Variants in TNFRSF8 observed in about 807,000 individuals in gnomAD.
The protein encoded by TNFRSF8 is tumor necrosis factor receptor superfamily member 8.
A neutral mutation model predicts 70.8 loss-of-function variants in TNFRSF8; 26 were observed. That is an observed-to-expected ratio of 0.37 (90% CI 0.27 to 0.51). TNFRSF8 has a LOEUF of 0.51. TNFRSF8 is among the 20% of genes least tolerant of loss of function. The pLI, the probability that TNFRSF8 is intolerant of heterozygous loss-of-function variation, is 0.94. For missense variants in TNFRSF8, 720 were observed against 807.9 expected, an observed-to-expected ratio of 0.89 and a Z score of 1.32; for synonymous variants, 356 against 339.2, an observed-to-expected ratio of 1.05 and a Z score of -0.54.
chr1:12,111,941 C>T lies in TNFRSF8; in HGVS notation c.720C>T (p.Cys240=), dbSNP rs373306162. The T allele has an allele frequency of 4.3e-6, 7 of 1,614,222 alleles. No homozygotes were observed. The highest frequency in any genetic ancestry group is 2.2e-5 in the South Asian group (2 of 91,084). The change falls in exon 7 of 15, where the codon TGC becomes TGT. Residue 240 remains cysteine (C), a synonymous_variant. Transcript: ENST00000263932. The part of the protein sequence containing the change: ...TQPCPEGSGD[C]RKQCEPDYYL... Reference sequence around the variant, plus strand: ...CATGCCCAGAGGGGTCTGGTGATTGCAGAAAGCAGTGTGAGCCCGACTACT... The same window carrying T: ...CATGCCCAGAGGGGTCTGGTGATTGTAGAAAGCAGTGTGAGCCCGACTACT...
rs1641716364 is a variant in TNFRSF8, at chr1:12,115,721, A to G, written c.938A>G (p.Lys313Arg). 6.2e-7 allele frequency: 1 copy of G among 1,613,976 alleles called. No homozygotes were observed. The highest frequency in any genetic ancestry group is 1.1e-5 in the South Asian group (1 of 91,088). Residue 313 changes from lysine to arginine, a missense_variant, in exon 8 of 15, where the codon AAG becomes AGG. Lys to Arg is a conservative substitution (Grantham distance 26, BLOSUM62 2). Transcript: ENST00000263932. ...ATCTGTGCAGCAGAGACGGTCACCA[A>G]GCCCCAGGGTAAGCAGTTCCCACCC... ...YPICAAETVT[K>R]PQDMAEKDTT...
At position 12,113,317 on chromosome 1, in the gene TNFRSF8, G is replaced by A. The variant is rs1641664808; in HGVS notation, c.793+1303G>A. Among the ~76,000 whole-genome samples, 1 of 152,168 alleles carries A rather than the reference G, an allele frequency of 6.6e-6. No homozygotes were observed. Among genetic ancestry groups the A allele is most frequent in the Non-Finnish European group, 1.5e-5 (1 of 68,024 alleles). On this transcript the variant is annotated intron_variant, in intron 7 of 14. Transcript: ENST00000263932. The surrounding 1 kb of genome is among the most constrained non-coding windows in gnomAD (Gnocchi z 4.9). ...GGTCTGGTGGTTAGGTTCTAAAGGC[G>A]AAGTCTTTTTCTCTTTTTTTCTTTT...
chr1:12,129,432 C>T (rs603879), intron 12 of TNFRSF8, among the ~76,000 whole-genome samples: 63,576 of 151,986 alleles, frequency 0.42, 14,441 homozygotes, highest in Admixed American at 0.57. Flanking sequence ...AATGAATTCT[C>T]AGGCCCTGTT....
intron 1 of TNFRSF8, among the ~76,000 whole-genome samples, chr1:12,080,856 G>A (rs1040571683): frequency 1.3e-5 from 2 of 152,200 alleles, no homozygotes; most frequent in African/African-American, 2.4e-5. Flanking sequence ...CACCGTGCCC[G>A]GCCCTGGGAT....
chr1:12,123,510 T>C (rs1055132158), intron 9 of TNFRSF8, 133 bp downstream of exon 9: 1 of 966,450 alleles, frequency 1.0e-6, no homozygotes, highest in African/African-American at 1.6e-5. Flanking sequence ...GTTAAATGTG[T>C]GCCCATCTCT....
At chr1:12,121,993 A>C (rs1457071358) in intron 8 of TNFRSF8, among the ~76,000 whole-genome samples, 1 of 152,138 alleles carries the variant, frequency 6.6e-6, no homozygotes, top group Non-Finnish European at 1.5e-5. Context: ...TGTCGACATG[A>C]AATTCTGGAA....
rs752861617 is a variant in TNFRSF8 at position 12,138,320 on chromosome 1, G to C, written c.1427G>C (p.Gly476Ala). 1 of 1,613,790 alleles carries C rather than the reference G, an allele frequency of 6.2e-7. No individual in the cohort carries two copies. The highest frequency in any genetic ancestry group is 1.1e-5 in the South Asian group (1 of 91,074). The change falls in exon 14 of 15, where the codon GGG (glycine) becomes GCG (alanine). Residue 476 changes from glycine to alanine, a missense_variant. Coordinates refer to ENST00000263932, the MANE Select transcript of TNFRSF8 (RefSeq NM_001243.5). This position sits in a 1 kb window ranked among gnomAD's most constrained non-coding sequence, Gnocchi z 5.7. ...QPLMETCHSV[G>A]AAYLESLPLQ... ...CTGATGGAGACCTGCCACAGCGTGG[G>C]GGCAGCCTACCTGGAGAGCCTGCCG...
At chr1:12,111,692 G>T (rs974535252) in intron 6 of TNFRSF8, among the ~76,000 whole-genome samples, 2 of 152,150 alleles carry the variant, frequency 1.3e-5, no homozygotes, top group Non-Finnish European at 2.9e-5. Context: ...TGGTTGGGGG[G>T]CAATGAGTAC....
chr1:12,140,587 C>T (rs1642233494), intron 14 of TNFRSF8, among the ~76,000 whole-genome samples: 1 of 152,206 alleles, frequency 6.6e-6, no homozygotes, highest in South Asian at 2.1e-4. Context: ...GCGGGGCAGA[C>T]CCCTCATGGC....
chr1:12,139,669 T>C (rs139800148), intron 14 of TNFRSF8, among the ~76,000 whole-genome samples: 61 of 152,374 alleles, frequency 4.0e-4, no homozygotes, highest in African/African-American at 1.3e-3. Context: ...TGAAGAGTCA[T>C]TTGTAATTGT....
In TNFRSF8 at chr1:12,108,898, G is replaced by A. The variant is rs765977297; in HGVS notation, c.422-668G>A. Among the ~76,000 whole-genome samples the A allele has an allele frequency of 2.0e-5, 3 of 152,184 alleles. No individual in the cohort carries two copies. Among genetic ancestry groups the A allele is most frequent in the African/African-American group, 4.8e-5 (2 of 41,452 alleles). ...GCAAACTGAGGGGCACTGGCTAGAC[G>A]ATGTGTGTGTTTTCTTCTCCACTCT... is the stretch of plus-strand genomic sequence containing the variant. On this transcript the variant is annotated intron_variant, in intron 4 of 14. Coordinates refer to ENST00000263932, the MANE Select transcript of TNFRSF8 (RefSeq NM_001243.5). This position sits in a 1 kb window ranked among gnomAD's most constrained non-coding sequence, Gnocchi z 4.0.
Position 12,109,930 on chromosome 1 carries a change from A to G in TNFRSF8, c.513-111A>G. The G allele has an allele frequency of 7.5e-7, 1 of 1,338,902 alleles. No individual in the cohort carries two copies. Among genetic ancestry groups the G allele is most frequent in the Non-Finnish European group, 1.0e-6 (1 of 970,616 alleles). 82.9% of individuals were successfully genotyped at this position (1,338,902 alleles called of 1,614,324 possible). A position where few individuals can be genotyped will look rare whatever the true frequency, so the allele number is the denominator to read the frequency against. ...AGCTTACAGTGGGCCCGCCAGAGGC[A>G]GTGGGCCAAGGGCCTGGGACCCCAT... On this transcript the variant is annotated intron_variant, in intron 5 of 14. Coordinates refer to ENST00000263932, the MANE Select transcript of TNFRSF8 (RefSeq NM_001243.5). The surrounding 1 kb of genome is among the most constrained non-coding windows in gnomAD (Gnocchi z 4.4).
chr1:12,132,250 G>A (rs1355979016), intron 12 of TNFRSF8, among the ~76,000 whole-genome samples: 12 of 152,320 alleles, frequency 7.9e-5, no homozygotes, highest in African/African-American at 2.9e-4. Flanking sequence ...GATTACAAAC[G>A]AAAGCCCACA....
rs1378224648 is a variant in TNFRSF8, at chr1:12,138,380, C to T, written c.1487C>T (p.Ser496Phe). Residue 496 changes from serine to phenylalanine, a missense_variant, in exon 14 of 15, where the codon TCC (serine) becomes TTC (phenylalanine). Physicochemically the swap from Ser to Phe is radical, Grantham distance 155 (BLOSUM62 -2). Transcript: ENST00000263932. This position sits in a 1 kb window ranked among gnomAD's most constrained non-coding sequence, Gnocchi z 5.7. ...QDASPAGGPS[S>F]PRDLPEPRVS... The stretch of plus-strand genomic sequence containing the variant: ...GCCAGCCCGGCCGGGGGCCCCTCGT[C>T]CCCCAGGGACCTTCCTGAGCCCCGG... 2 of 1,613,598 alleles carry T rather than the reference C, an allele frequency of 1.2e-6. No homozygotes were observed. Among genetic ancestry groups the T allele is most frequent in the Non-Finnish European group, 1.7e-6 (2 of 1,179,834 alleles).
At chr1:12,071,202 G>A (rs1020051087) in intron 1 of TNFRSF8, among the ~76,000 whole-genome samples, 19 of 152,202 alleles carry the variant, frequency 1.2e-4, no homozygotes, top group Non-Finnish European at 5.9e-5. Flanking sequence ...CACTTTGGAA[G>A]GCTGAGGTGG....
chr1:12,106,291 G>A lies in TNFRSF8; in HGVS notation c.421+1760G>A, dbSNP rs568095374. The stretch of plus-strand genomic sequence containing the variant: ...TCTGTCCCACCCGCCCTCTGCACGT[G>A]CTGTTCTCTCTGTCGGAGACACCCT... On this transcript the variant is annotated intron_variant, in intron 4 of 14. Transcript: ENST00000263932. Among the ~76,000 whole-genome samples, 21 of 152,216 alleles carry A rather than the reference G, an allele frequency of 1.4e-4. No individual in the cohort carries two copies. In the East Asian group the frequency reaches 4.1e-3, roughly 29 times the overall value.
At chr1:12,087,543 G>T (rs560900066) in intron 2 of TNFRSF8, among the ~76,000 whole-genome samples, 1 of 152,090 alleles carries the variant, frequency 6.6e-6, no homozygotes, top group Admixed American at 6.6e-5. Context: ...TGCAATTCTG[G>T]AACCCCTTCC....
intron 2 of TNFRSF8, among the ~76,000 whole-genome samples, chr1:12,090,181 C>T (rs531728677): frequency 7.0e-6 from 1 of 142,584 alleles, no homozygotes; most frequent in African/African-American, 2.7e-5. Flanking sequence ...CCCACTCATC[C>T]ACTCTTCCCT....
In TNFRSF8 at chr1:12,112,902, T is replaced by C. The variant is rs1409602836; in HGVS notation, c.793+888T>C. On this transcript the variant is annotated intron_variant, in intron 7 of 14. Transcript: ENST00000263932. The surrounding 1 kb of genome is among the most constrained non-coding windows in gnomAD (Gnocchi z 5.3). ...GGAGGCCACTGGGAATGTGTGTCTG[T>C]CTCCTTGTCCAGAGCTGCTTTTGGG... Among the ~76,000 whole-genome samples the C allele has an allele frequency of 6.6e-6, 1 of 152,168 alleles. No individual in the cohort carries two copies. The highest frequency in any genetic ancestry group is 1.9e-4 in the East Asian group (1 of 5,200).
Sources: gnomAD v4.1 joint callset for allele counts (sites outside exome capture counted in the v4.1 genomes callset) on GRCh38, gnomAD v4.1.1 for gene constraint, Gnocchi (gnomAD v3.1) non-coding constraint, MANE v1.5 for transcripts, NCBI Gene and HGNC (gene_info 2026-07-23, HGNC 2026-07-21) for gene names.